Variants in SLC24A2 observed in about 807,000 individuals in gnomAD.
SLC24A2 encodes the protein solute carrier family 24 member 2, also known as sodium/potassium/calcium exchanger 2.
A neutral mutation model predicts 62.0 loss-of-function variants in SLC24A2; 36 were observed. The ratio of observed to expected loss-of-function variants is 0.58; its 90% CI spans 0.44 to 0.77. The LOEUF is 0.77. SLC24A2 is among the 30% of genes least tolerant of loss of function. The probability of loss-of-function intolerance (pLI) is 0.00; values close to 1 mark genes in which losing one functional copy is unlikely to be tolerated. For missense variants in SLC24A2, 846 were observed against 817.9 expected (o/e 1.03, Z -0.42); for synonymous variants, 358 against 294.0 (o/e 1.22, Z -2.23).
At chr9:19,883,927 C>T in the SLC24A2 span, among the ~76,000 whole-genome samples, 6 of 152,042 alleles carry the variant, frequency 3.9e-5, no homozygotes, top group African/African-American at 1.4e-4. Flanking sequence ...AAAGGTCTAC[C>T]CTGTAAAAGG....
chr9:19,956,689 C>T, the SLC24A2 span, among the ~76,000 whole-genome samples: 1 of 152,150 alleles, frequency 6.6e-6, no homozygotes, highest in Non-Finnish European at 1.5e-5. Context: ...ATCACGAGAA[C>T]AGCATGGGAA....
chr9:20,175,629 G>C, the SLC24A2 span, among the ~76,000 whole-genome samples: 2 of 151,938 alleles, frequency 1.3e-5, no homozygotes, highest in Non-Finnish European at 1.5e-5. Context: ...TCTGTGGCTT[G>C]AATACAAAGA....
rs182038375 is a variant in SLC24A2 at position 19,595,106 on chromosome 9, C to T, written c.1129+2123G>A. 3.7e-4 allele frequency among the ~76,000 whole-genome samples: 56 copies of T among 152,278 alleles called. 1 individual carries two copies. Among genetic ancestry groups the T allele is most frequent in the Admixed American group, 1.2e-3 (18 of 15,302 alleles). ...TCAACCAGCGTTTCCACAAAGGTTC[C>T]ATATCAGAAAGTCTGGGAAACACTG... On this transcript the variant is annotated intron_variant, in intron 5 of 10. Coordinates refer to ENST00000341998, the MANE Select transcript of SLC24A2 (RefSeq NM_020344.4).
At chr9:20,068,812 T>C in the SLC24A2 span, among the ~76,000 whole-genome samples, 11 of 152,282 alleles carry the variant, frequency 7.2e-5, no homozygotes, top group African/African-American at 9.6e-5. Flanking sequence ...GTTTTGAAAA[T>C]GAACTGATCC....
upstream of SLC24A2, among the ~76,000 whole-genome samples, chr9:19,790,169 C>T (rs1011268432): frequency 6.6e-6 from 1 of 152,074 alleles, no homozygotes; most frequent in Non-Finnish European, 1.5e-5. Context: ...TTCCTGGGCT[C>T]TAGCCATCCT....
At chr9:20,004,454 CCTAA>C in the SLC24A2 span, among the ~76,000 whole-genome samples, 14 of 152,140 alleles carry the variant, frequency 9.2e-5, no homozygotes, top group Admixed American at 8.5e-4. Context: ...AAAGTATAGT[CCTAA>C]CTATCTTATC....
intron 7 of SLC24A2, among the ~76,000 whole-genome samples, chr9:19,555,764 G>C (rs532303450): frequency 1.1e-3 from 162 of 152,246 alleles, no homozygotes; most frequent in South Asian, 6.4e-3. Flanking sequence ...GGCCAACATG[G>C]TGAAACCCCA....
intron 2 of SLC24A2, among the ~76,000 whole-genome samples, chr9:19,643,706 G>C (rs766195160): frequency 5.7e-4 from 87 of 152,188 alleles, no homozygotes; most frequent in Admixed American, 1.0e-3. Flanking sequence ...ATCTGTGTAT[G>C]CCTCTCCAGT....
intron 2 of SLC24A2, among the ~76,000 whole-genome samples, chr9:19,684,485 G>A (rs148794684): frequency 2.6e-5 from 4 of 152,164 alleles, no homozygotes; most frequent in Admixed American, 6.6e-5. Flanking sequence ...TGGCTGGGGA[G>A]AGCAGTACCT....
chr9:19,802,216 T>A, the SLC24A2 span, among the ~76,000 whole-genome samples: 1 of 151,804 alleles, frequency 6.6e-6, no homozygotes, highest in Non-Finnish European at 1.5e-5. Flanking sequence ...ACAATGCAGA[T>A]ACGTTGTGTA....
At chr9:19,592,523 T>C (rs976440319) in intron 5 of SLC24A2, among the ~76,000 whole-genome samples, 4 of 152,010 alleles carry the variant, frequency 2.6e-5, no homozygotes, top group Admixed American at 6.6e-5. Context: ...CCTACCTACC[T>C]ACCTACCTAC....
chr9:20,079,017 T>C, the SLC24A2 span, among the ~76,000 whole-genome samples: 2 of 144,108 alleles, frequency 1.4e-5, no homozygotes, highest in South Asian at 4.8e-4. Context: ...GAATGTGACC[T>C]ACTTAGAAAA....
chr9:19,860,442 C>A, the SLC24A2 span, among the ~76,000 whole-genome samples: 1 of 152,102 alleles, frequency 6.6e-6, no homozygotes, highest in Non-Finnish European at 1.5e-5. Flanking sequence ...AGCAGTGATA[C>A]TCAAGTACGA....
intron 7 of SLC24A2, among the ~76,000 whole-genome samples, chr9:19,571,469 T>C (rs1196714673): frequency 6.6e-6 from 1 of 152,152 alleles, no homozygotes; most frequent in Non-Finnish European, 1.5e-5. Context: ...TTGCAGGCAC[T>C]GTATCACTTT....
At chr9:19,837,866 G>A in the SLC24A2 span, among the ~76,000 whole-genome samples, 3 of 151,924 alleles carry the variant, frequency 2.0e-5, no homozygotes, top group Non-Finnish European at 4.4e-5. Context: ...TACAAGGGAC[G>A]TGAAGGACCT....
At chr9:19,828,410 C>G in the SLC24A2 span, among the ~76,000 whole-genome samples, 2 of 151,904 alleles carry the variant, frequency 1.3e-5, no homozygotes, top group East Asian at 3.9e-4. Context: ...TAAATAATAA[C>G]TATTTATTAC....
chr9:19,661,917 T>C (rs1004686561), intron 2 of SLC24A2, among the ~76,000 whole-genome samples: 2 of 152,194 alleles, frequency 1.3e-5, no homozygotes, highest in African/African-American at 4.8e-5. Flanking sequence ...ACCTGCTCCA[T>C]CCAGACCACC....
the SLC24A2 span, among the ~76,000 whole-genome samples, chr9:20,027,423 G>A: frequency 6.6e-6 from 1 of 152,030 alleles, no homozygotes; most frequent in Non-Finnish European, 1.5e-5. Context: ...CAGATGAGTG[G>A]ATAAAGAAAA....
the SLC24A2 span, among the ~76,000 whole-genome samples, chr9:19,937,728 A>G: frequency 6.6e-6 from 1 of 152,234 alleles, no homozygotes; most frequent in Non-Finnish European, 1.5e-5. Context: ...ACGAAGTGCT[A>G]TTATGAACAC....
Sources: gnomAD v4.1 joint callset for allele counts (sites outside exome capture counted in the v4.1 genomes callset) on GRCh38, gnomAD v4.1.1 for gene constraint, MANE v1.5 for transcripts, NCBI Gene and HGNC (gene_info 2026-07-23, HGNC 2026-07-21) for gene names.